The following GGTA1 variants were observed in gnomAD, a reference collection of about 807,000 sequenced individuals.
The protein encoded by GGTA1 is inactive N-acetyllactosaminide alpha-1,3-galactosyltransferase.
In GGTA1, 5 loss-of-function variants were observed where a neutral mutation model predicts 2.6. That is an observed-to-expected ratio of 1.92 (90% CI 1.00 to 4.04). GGTA1 has a LOEUF of 4.04. Among genes scored for constraint, GGTA1 ranks in the 30% most tolerant of loss-of-function variants. The pLI is 0.00. For synonymous variants in GGTA1, 17 were observed against 5.0 expected, an observed-to-expected ratio of 3.38 and a Z score of -3.19; for missense variants, 50 against 16.7, an observed-to-expected ratio of 2.99 and a Z score of -3.47.
At chr9:121,458,501 C>G (rs1365810288) in intron 5 of GGTA1, among the ~76,000 whole-genome samples, 1 of 151,840 alleles carries the variant, frequency 6.6e-6, no homozygotes, top group African/African-American at 2.4e-5. Context: ...GTGGCGCATG[C>G]CTGTAGTCCC....
chr9:121,496,108 T>C (rs1053707932), intron 1 of GGTA1, among the ~76,000 whole-genome samples: 3 of 152,234 alleles, frequency 2.0e-5, no homozygotes, highest in African/African-American at 7.2e-5. Context: ...TGCTCACAAC[T>C]CCTTATCATG....
intron 1 of GGTA1, among the ~76,000 whole-genome samples, chr9:121,480,450 G>A (rs12004403): frequency 0.043 from 6,522 of 152,172 alleles, 166 homozygotes; most frequent in East Asian, 0.11. Flanking sequence ...CAGAGCACAC[G>A]GAGTCCTTTG....
chr9:121,464,968 G>A lies in GGTA1; in HGVS notation c.81-1640C>T, dbSNP rs1338718936. ...TCCTCGGCTCACCTCAACCTATCAT[G>A]TGGCCAATTCGTAAAGTGGCAAAAA... On this transcript the variant is annotated intron_variant, in intron 2 of 5. Coordinates refer to ENST00000481799, the MANE Select transcript of GGTA1 (RefSeq NM_001382585.1). Among the ~76,000 whole-genome samples, 13 of 144,568 alleles carry A rather than the reference G, an allele frequency of 9.0e-5. No homozygotes were observed. The Admixed American group carries it at 9.6e-4, about 11-fold the overall frequency. 94.8% of individuals were successfully genotyped at this position (144,568 alleles called of 152,430 possible). A position where few individuals can be genotyped will look rare whatever the true frequency, so the allele number is the denominator to read the frequency against.
intron 1 of GGTA1, among the ~76,000 whole-genome samples, chr9:121,486,953 GT>G (rs2118754804): frequency 1.3e-5 from 2 of 152,258 alleles, no homozygotes; most frequent in South Asian, 4.1e-4. Flanking sequence ...TTCGGACCAG[GT>G]CCACACCACA....
intron 1 of GGTA1, among the ~76,000 whole-genome samples, chr9:121,479,691 GA>G (rs2118730493): frequency 6.6e-6 from 1 of 152,182 alleles, no homozygotes; most frequent in South Asian, 2.1e-4. Flanking sequence ...AGCCAATGGA[GA>G]CGTTAAAACA....
At chr9:121,490,037 G>A (rs938394929) in intron 1 of GGTA1, among the ~76,000 whole-genome samples, 36 of 152,198 alleles carry the variant, frequency 2.4e-4, no homozygotes, top group African/African-American at 8.7e-4. Flanking sequence ...TACTGAGGAG[G>A]CAAACATTTA....
rs1465171376 is a variant in GGTA1 at position 121,476,616 on chromosome 9, G to A, written c.-9-8685C>T. Among the ~76,000 whole-genome samples, 1 of 152,172 alleles carries A rather than the reference G, an allele frequency of 6.6e-6. No homozygotes were observed. The highest frequency in any genetic ancestry group is 2.4e-5 in the African/African-American group (1 of 41,434). ...CAGTGACCTACACGGGCCCCTTGGT[G>A]TGATGATCAAATGATAGGATTCATC... is the stretch of plus-strand genomic sequence containing the variant. On this transcript the variant is annotated intron_variant, in intron 1 of 5. Coordinates refer to ENST00000481799, the MANE Select transcript of GGTA1 (RefSeq NM_001382585.1). The surrounding 1 kb of genome is among the most constrained non-coding windows in gnomAD (Gnocchi z 4.6).
At chr9:121,488,124 C>CAT (rs980559838) in intron 1 of GGTA1, among the ~76,000 whole-genome samples, 15 of 47,556 alleles carry the variant, frequency 3.2e-4, no homozygotes, top group Non-Finnish European at 5.9e-4. Flanking sequence ...TGTGTGCGTG[C>CAT]ATGTGTGTGT....
chr9:121,487,048 C>T (rs1322398621), intron 1 of GGTA1, among the ~76,000 whole-genome samples: 4 of 152,114 alleles, frequency 2.6e-5, no homozygotes, highest in African/African-American at 4.8e-5. Context: ...AGGAAATCCT[C>T]GATGCTGCCC....
At chr9:121,446,797 T>C (rs1440313168) in exon 8 of GGTA1, 2 of 152,224 alleles carry the variant, frequency 1.3e-5, no homozygotes. Flanking sequence ...TTTTGCCCTG[T>C]TGGTGTTTCA....
At chr9:121,453,737 G>T (rs551359598), downstream of GGTA1, among the ~76,000 whole-genome samples, 1 of 152,202 alleles carries the variant, frequency 6.6e-6, no homozygotes, top group Admixed American at 6.5e-5. Context: ...TAGCAAATAC[G>T]TCGGGCCAGC....
intron 1 of GGTA1, among the ~76,000 whole-genome samples, chr9:121,487,347 G>C (rs1006258783): frequency 6.6e-6 from 1 of 152,012 alleles, no homozygotes; most frequent in Admixed American, 6.5e-5. Context: ...GGAGGCCGAG[G>C]TGGGCAGATC....
At position 121,455,240 on chromosome 9, in the gene GGTA1, G is replaced by A. The variant is rs1471587470; in HGVS notation, c.*597C>T. The A allele has an allele frequency of 6.6e-6, 1 of 152,130 alleles. No homozygotes were observed. Among genetic ancestry groups the A allele is most frequent in the African/African-American group, 2.4e-5 (1 of 41,406 alleles). 9.4% of individuals were successfully genotyped at this position (152,130 alleles called of 1,614,324 possible). On this transcript the variant is annotated 3_prime_UTR_variant, in exon 6 of 6. Transcript: ENST00000481799. Reference sequence around the variant, plus strand: ...ACCCACACAGCTGTCTTATACTTCTGTAACCATTTCTGAACTTAAAACTCT... The same window carrying A: ...ACCCACACAGCTGTCTTATACTTCTATAACCATTTCTGAACTTAAAACTCT...
At chr9:121,472,821 C>T (rs866479619) in intron 1 of GGTA1, among the ~76,000 whole-genome samples, 3 of 152,130 alleles carry the variant, frequency 2.0e-5, no homozygotes, top group Non-Finnish European at 4.4e-5. Context: ...TGAAAACTCT[C>T]ACGGTTGGAA....
At chr9:121,488,585 T>G (rs527369430) in intron 1 of GGTA1, among the ~76,000 whole-genome samples, 1 of 152,226 alleles carries the variant, frequency 6.6e-6, no homozygotes, top group East Asian at 1.9e-4. Context: ...CAGGTGGTGG[T>G]GGACACCTGT....
At chr9:121,478,242 G>C (rs1828556946) in intron 1 of GGTA1, among the ~76,000 whole-genome samples, 1 of 152,148 alleles carries the variant, frequency 6.6e-6, no homozygotes, top group African/African-American at 2.4e-5. Context: ...GCTCTTCCTT[G>C]GACCAGCTGG....
intron 1 of GGTA1, among the ~76,000 whole-genome samples, chr9:121,473,849 T>A (rs1828446012): frequency 1.3e-5 from 2 of 149,912 alleles, no homozygotes. Context: ...CTTGGGAAGG[T>A]CCAGGCTGCA....
At chr9:121,480,706 AG>A (rs1302358254) in intron 1 of GGTA1, among the ~76,000 whole-genome samples, 1 of 152,176 alleles carries the variant, frequency 6.6e-6, no homozygotes, top group East Asian at 1.9e-4. Flanking sequence ...CACAACCTTT[AG>A]GGTCCAGAAG....
At chr9:121,448,809 C>T (rs1452042219) in intron 7 of GGTA1, among the ~76,000 whole-genome samples, 3 of 152,300 alleles carry the variant, frequency 2.0e-5, no homozygotes, top group Middle Eastern at 6.8e-3. Context: ...TGAAGCTACA[C>T]TGACATATCA....
Sources: allele counts gnomAD v4.1 joint callset (sites outside exome capture counted in the v4.1 genomes callset), GRCh38; gene constraint gnomAD v4.1.1; non-coding constraint Gnocchi (gnomAD v3.1); transcripts MANE v1.5; gene names NCBI Gene and HGNC (gene_info 2026-07-23, HGNC 2026-07-21).